Variants in CEP83 observed in about 807,000 individuals in gnomAD.
CEP83 encodes the protein centrosomal protein of 83 kDa.
A neutral mutation model predicts 101.9 loss-of-function variants in CEP83; 70 were observed. That is an observed-to-expected ratio of 0.69 (90% CI 0.57 to 0.84). CEP83 has a LOEUF of 0.84. CEP83 is among the 40% of genes least tolerant of loss of function. The pLI, the probability that CEP83 is intolerant of heterozygous loss-of-function variation, is 0.00. For missense variants in CEP83, 715 were observed against 787.2 expected, an observed-to-expected ratio of 0.91 and a Z score of 1.10; for synonymous variants, 264 against 267.9, an observed-to-expected ratio of 0.99 and a Z score of 0.14.
intron 14 of CEP83, among the ~76,000 whole-genome samples, chr12:94,322,475 G>A (rs1055657807): frequency 5.3e-5 from 8 of 152,206 alleles, no homozygotes; most frequent in Non-Finnish European, 1.2e-4. Flanking sequence ...GGGGTACCTC[G>A]AGAACAGTTG....
chr12:94,389,148 C>T (rs1463667905), intron 6 of CEP83, among the ~76,000 whole-genome samples: 2 of 151,952 alleles, frequency 1.3e-5, no homozygotes, highest in African/African-American at 2.4e-5. Context: ...AAAGAAAATG[C>T]CATGAAATAA....
chr12:94,349,035 C>T (rs1263698975), intron 11 of CEP83, among the ~76,000 whole-genome samples: 1 of 152,032 alleles, frequency 6.6e-6, no homozygotes, highest in Admixed American at 6.6e-5. Flanking sequence ...CTTGTAATCC[C>T]AGCACTTTGG....
At chr12:94,297,474 T>C in the CEP83 span, 1 of 1,235,490 alleles carries the variant, frequency 8.1e-7, no homozygotes, top group Non-Finnish European at 1.2e-6. Context: ...GGGTGTATGA[T>C]ATGTTTGACT....
chr12:94,313,311 T>A (rs180714341), intron 14 of CEP83: 1 of 214,158 alleles, frequency 4.7e-6, no homozygotes, highest in Admixed American at 6.1e-5. Flanking sequence ...ATTTTACTAC[T>A]GAGTCTGCCT....
chr12:94,336,178 T>C (rs2059439833), intron 11 of CEP83, among the ~76,000 whole-genome samples: 1 of 152,184 alleles, frequency 6.6e-6, no homozygotes, highest in Admixed American at 6.5e-5. Context: ...CTGTATTCTA[T>C]AAAATATCTT....
intron 1 of CEP83, among the ~76,000 whole-genome samples, chr12:94,438,184 A>C (rs1002435876): frequency 4.6e-5 from 7 of 151,378 alleles, no homozygotes; most frequent in Non-Finnish European, 1.0e-4. Flanking sequence ...ATGTCATTGC[A>C]CTCTAGCCTG....
chr12:94,307,267 T>A (rs1294333111), downstream of CEP83: 1 of 152,184 alleles, frequency 6.6e-6, no homozygotes, highest in East Asian at 1.9e-4. Context: ...GCTACCTCAC[T>A]GAGGTGGTAT....
intron 13 of CEP83, among the ~76,000 whole-genome samples, chr12:94,332,554 T>A (rs530225617): frequency 1.3e-5 from 2 of 152,308 alleles, no homozygotes; most frequent in South Asian, 4.1e-4. Flanking sequence ...AAACCAATGA[T>A]TAATTACTTA....
chr12:94,300,967 T>C, the CEP83 span: 7,714 of 1,613,624 alleles, frequency 4.8e-3, 163 homozygotes, highest in East Asian at 0.069. Context: ...TCTTTGACAT[T>C]AAGAAGACAC....
At chr12:94,430,800 C>T (rs2065562739) in intron 2 of CEP83, among the ~76,000 whole-genome samples, 1 of 152,172 alleles carries the variant, frequency 6.6e-6, no homozygotes, top group African/African-American at 2.4e-5. Flanking sequence ...GAAAGGTCTT[C>T]CACAAAGCAC....
chr12:94,279,926 G>C, the CEP83 span: 2 of 572,338 alleles, frequency 3.5e-6, no homozygotes, highest in African/African-American at 3.7e-5. Context: ...TGAGATTGCA[G>C]GCCCTGAGAC....
intron 4 of CEP83, 76 bp downstream of exon 4, chr12:94,411,621 T>C (rs1366934751): frequency 2.8e-6 from 3 of 1,063,784 alleles, no homozygotes; most frequent in East Asian, 4.8e-5. Context: ...AATTGCCATA[T>C]TCACCAAAAC....
the CEP83 span, chr12:94,279,935 A>T: frequency 1.9e-6 from 1 of 538,048 alleles, no homozygotes; most frequent in South Asian, 1.8e-5. Flanking sequence ...AGGCCCTGAG[A>T]CTGCACGGAA....
At chr12:94,274,145 A>G in the CEP83 span, among the ~76,000 whole-genome samples, 1 of 120,382 alleles carries the variant, frequency 8.3e-6, no homozygotes, top group African/African-American at 3.3e-5. Flanking sequence ...ACACAGCAAG[A>G]CCCTGTCTCT....
intron 6 of CEP83, among the ~76,000 whole-genome samples, chr12:94,398,730 C>G (rs1186381480): frequency 6.6e-6 from 1 of 152,176 alleles, no homozygotes; most frequent in Non-Finnish European, 1.5e-5. Flanking sequence ...TGCAGAGAGC[C>G]TATAAACAGA....
At chr12:94,335,477 A>G (rs1020346881) in intron 12 of CEP83, 112 bp downstream of exon 12, 1 of 674,160 alleles carries the variant, frequency 1.5e-6, no homozygotes, top group African/African-American at 1.8e-5. Context: ...TATGTTACCA[A>G]TTGTGGTTAG....
At chr12:94,370,507 G>A (rs991973284) in intron 8 of CEP83, among the ~76,000 whole-genome samples, 53 of 152,154 alleles carry the variant, frequency 3.5e-4, no homozygotes, top group African/African-American at 1.2e-3. Context: ...CCAAGTAGCT[G>A]TCAGGACTAT....
chr12:94,408,585 A>T (rs567380563), intron 4 of CEP83, among the ~76,000 whole-genome samples: 2 of 152,190 alleles, frequency 1.3e-5, no homozygotes, highest in South Asian at 4.2e-4. Flanking sequence ...GTACCATACT[A>T]ATACTTTTTT....
At chr12:94,431,412 G>C (rs774435589) in intron 2 of CEP83, among the ~76,000 whole-genome samples, 7 of 151,952 alleles carry the variant, frequency 4.6e-5, no homozygotes, top group Non-Finnish European at 8.8e-5. Flanking sequence ...CACTTCAAAA[G>C]CACAGAAAAC....
Sources: gnomAD v4.1 joint callset for allele counts (sites outside exome capture counted in the v4.1 genomes callset) on GRCh38, gnomAD v4.1.1 for gene constraint, MANE v1.5 for transcripts, NCBI Gene and HGNC (gene_info 2026-07-23, HGNC 2026-07-21) for gene names.